Variants in MYO9A observed in about 807,000 individuals in gnomAD.
MYO9A encodes myosin IXA, also known as unconventional myosin-IXa.
MYO9A carries 103 observed loss-of-function variants against 293.3 expected under a neutral mutation model. The observed-to-expected ratio is 0.35, with a 90% CI of 0.30 to 0.41. The LOEUF is 0.41. Among genes scored for constraint, MYO9A ranks in the 10% least tolerant of loss-of-function variants. The pLI, the probability that MYO9A is intolerant of heterozygous loss-of-function variation, is 1.00. For missense variants in MYO9A, 2,685 were observed against 3,033.0 expected (o/e 0.89, Z 2.69); for synonymous variants, 1,001 against 1,035.7 (o/e 0.97, Z 0.64).
At chr15:71,951,158 A>G (rs1005571419) in intron 15 of MYO9A, among the ~76,000 whole-genome samples, 1 of 152,244 alleles carries the variant, frequency 6.6e-6, no homozygotes, top group African/African-American at 2.4e-5. Context: ...TAAACCAGAC[A>G]TAGGAAAGGC....
chr15:71,959,366 G>C (rs1467416640), intron 14 of MYO9A: 1 of 152,924 alleles, frequency 6.5e-6, no homozygotes, highest in African/African-American at 2.4e-5. Context: ...TGAAAGCACA[G>C]GTGAGCCCTA....
chr15:72,081,739 C>T (rs2079552291), intron 1 of MYO9A, among the ~76,000 whole-genome samples: 1 of 152,152 alleles, frequency 6.6e-6, no homozygotes, highest in African/African-American at 2.4e-5. Context: ...AGGAAGGCAT[C>T]GTTTCAATCT....
chr15:71,969,830 C>A (rs963361734), intron 12 of MYO9A, among the ~76,000 whole-genome samples: 12 of 151,994 alleles, frequency 7.9e-5, no homozygotes, highest in Non-Finnish European at 1.3e-4. Context: ...AAATTTGGAA[C>A]ACAAGAAAAT....
intron 36 of MYO9A, 45 bp from the exon 37 acceptor site, chr15:71,851,403 A>G (rs754632382): frequency 6.9e-6 from 10 of 1,449,732 alleles, no homozygotes; most frequent in Non-Finnish European, 9.6e-6. Flanking sequence ...ATCCCCCCTT[A>G]TACAGTGTAT....
chr15:71,840,759 A>G (rs1357585788), intron 39 of MYO9A, among the ~76,000 whole-genome samples: 1 of 152,040 alleles, frequency 6.6e-6, no homozygotes, highest in East Asian at 1.9e-4. Context: ...CCTCCTGAGT[A>G]GCTGGGACTA....
At chr15:71,949,955 T>C (rs2059014936) in intron 15 of MYO9A, among the ~76,000 whole-genome samples, 1 of 152,136 alleles carries the variant, frequency 6.6e-6, no homozygotes, top group Admixed American at 6.6e-5. Context: ...CTTTAAAGAA[T>C]AAACTTTTCC....
rs756871938 is a variant in MYO9A, at chr15:72,046,258, G to A, written c.306C>T (p.Asp102=). ...TTTTCTCTCTCAGAAGGAAGCGGTA[G>A]TCCTCTCCACTTAAGCGATTTTCCA... ...MALENRLSGE[D]YRFLLREKNL... is the part of the protein sequence containing the mutation. Residue 102 remains aspartate (D), a synonymous_variant, in exon 2 of 42, where the codon GAC becomes GAT. Coordinates refer to ENST00000356056, the MANE Select transcript of MYO9A (RefSeq NM_006901.4). 1.2e-6 allele frequency: 2 copies of A among 1,614,024 alleles called. No individual in the cohort carries two copies. The highest frequency in any genetic ancestry group is 1.7e-6 in the Non-Finnish European group (2 of 1,179,916).
chr15:71,828,634 C>T (rs1262930143), intron 40 of MYO9A, among the ~76,000 whole-genome samples: 1 of 152,226 alleles, frequency 6.6e-6, no homozygotes, highest in Non-Finnish European at 1.5e-5. Flanking sequence ...CCAGCTACCT[C>T]TCAGTAATGC....
chr15:71,921,425 T>C (rs1238406671), intron 18 of MYO9A, among the ~76,000 whole-genome samples: 1 of 152,206 alleles, frequency 6.6e-6, no homozygotes, highest in African/African-American at 2.4e-5. Flanking sequence ...TCTCAGATCA[T>C]TTTGACTTAT....
In MYO9A at chr15:71,884,684, T is replaced by C. The variant is rs572849502; in HGVS notation, c.5256-948A>G. The stretch of plus-strand genomic sequence containing the variant: ...AACAATGGCATGTAGTTACTGACCA[T>C]ATATTATGTATTCTAACCTCATAGT... On this transcript the variant is annotated intron_variant, in intron 27 of 41. Coordinates refer to ENST00000356056, the MANE Select transcript of MYO9A (RefSeq NM_006901.4). Among the ~76,000 whole-genome samples the C allele has an allele frequency of 2.6e-5, 4 of 152,240 alleles. No homozygotes were observed. The South Asian group carries it at 8.3e-4, about 32-fold the overall frequency.
chr15:72,029,114 A>C (rs1188355098), intron 3 of MYO9A, among the ~76,000 whole-genome samples: 1 of 152,222 alleles, frequency 6.6e-6, no homozygotes, highest in East Asian at 1.9e-4. Context: ...CACAGAGTAA[A>C]CTTTCATTAC....
Position 72,045,997 on chromosome 15 carries a change from G to A in MYO9A, c.567C>T (p.Phe189=), listed in dbSNP as rs111331219. Residue 189 remains phenylalanine, a synonymous_variant, in exon 2 of 42, where the codon TTC becomes TTT. Transcript: ENST00000356056. ...TGGGGTTATAAATAGGAAGAAACTT[G>A]AATGGGTTAATAACTATTAGAATAC... The part of the protein sequence containing the change: ...VGSILIVINP[F]KFLPIYNPKY... The A allele has an allele frequency of 1.6e-5, 26 of 1,614,018 alleles. No homozygotes were observed. The highest frequency in any genetic ancestry group is 1.6e-4 in the Middle Eastern group (1 of 6,084).
At chr15:72,017,884 A>C (rs1280505111) in intron 6 of MYO9A, among the ~76,000 whole-genome samples, 5 of 152,098 alleles carry the variant, frequency 3.3e-5, no homozygotes, top group Admixed American at 3.3e-4. Context: ...TTAAGAAAAA[A>C]ATTTTTGTGT....
At chr15:71,928,342 GCTGT>G (rs1331368941) in intron 18 of MYO9A, among the ~76,000 whole-genome samples, 3 of 151,574 alleles carry the variant, frequency 2.0e-5, no homozygotes, top group South Asian at 2.1e-4. Context: ...CTCCCAAAGT[GCTGT>G]CTAATATATT....
intron 8 of MYO9A, among the ~76,000 whole-genome samples, chr15:72,003,915 A>C (rs1050017139): frequency 2.6e-5 from 4 of 152,150 alleles, no homozygotes; most frequent in African/African-American, 9.7e-5. Context: ...ATTCTCTGCT[A>C]ATGATCCTTC....
At chr15:71,945,915 G>GAC (rs2058905915) in intron 15 of MYO9A, among the ~76,000 whole-genome samples, 1 of 152,102 alleles carries the variant, frequency 6.6e-6, no homozygotes, top group Non-Finnish European at 1.5e-5. Flanking sequence ...CTATTCCTAG[G>GAC]CTACTAAAAG....
At chr15:72,055,508 G>GA (rs1458980718) in intron 1 of MYO9A, among the ~76,000 whole-genome samples, 1 of 151,926 alleles carries the variant, frequency 6.6e-6, no homozygotes, top group Non-Finnish European at 1.5e-5. Context: ...CACAGAAAAA[G>GA]AAAAAATCAG....
intron 4 of MYO9A, among the ~76,000 whole-genome samples, chr15:72,026,506 A>C (rs1381903850): frequency 2.0e-5 from 3 of 151,448 alleles, no homozygotes; most frequent in African/African-American, 7.3e-5. Flanking sequence ...AAAGATCTCA[A>C]ATCTATAACC....
At chr15:72,070,684 A>G (rs1202449295) in intron 1 of MYO9A, among the ~76,000 whole-genome samples, 1 of 152,130 alleles carries the variant, frequency 6.6e-6, no homozygotes, top group Admixed American at 6.6e-5. Flanking sequence ...GTAAGATTCC[A>G]TCTCAAAAAA....
Sources: gnomAD v4.1 joint callset for allele counts (sites outside exome capture counted in the v4.1 genomes callset) on GRCh38, gnomAD v4.1.1 for gene constraint, MANE v1.5 for transcripts, NCBI Gene and HGNC (gene_info 2026-07-23, HGNC 2026-07-21) for gene names.